Variants in PDZRN3 observed in about 807,000 individuals in gnomAD.
The protein encoded by PDZRN3 is E3 ubiquitin-protein ligase PDZRN3.
In PDZRN3, 38 loss-of-function variants were observed where a neutral mutation model predicts 85.7. The ratio of observed to expected loss-of-function variants is 0.44; its 90% CI spans 0.34 to 0.58. The LOEUF (loss-of-function observed/expected upper bound fraction) is 0.58, where lower values mean the gene tolerates loss of function less well. PDZRN3 is among the 20% of genes least tolerant of loss of function. The pLI is 0.01. For synonymous variants in PDZRN3, 759 were observed against 638.0 expected, an observed-to-expected ratio of 1.19 and a Z score of -2.86; for missense variants, 1,629 against 1,506.4, an observed-to-expected ratio of 1.08 and a Z score of -1.35.
intron 3 of PDZRN3, among the ~76,000 whole-genome samples, chr3:73,415,458 T>TAAAAAC (rs1702059260): frequency 6.6e-6 from 1 of 152,220 alleles, no homozygotes; most frequent in Non-Finnish European, 1.5e-5. Flanking sequence ...TTTTATTTTC[T>TAAAAAC]ATTGTTTATA....
At chr3:73,442,065 G>A (rs1702648334) in intron 3 of PDZRN3, among the ~76,000 whole-genome samples, 1 of 152,200 alleles carries the variant, frequency 6.6e-6, no homozygotes, top group African/African-American at 2.4e-5. Flanking sequence ...TAAATGGCAT[G>A]GTGGGGCAGT....
At chr3:73,550,389 A>C (rs1315117441) in intron 3 of PDZRN3, among the ~76,000 whole-genome samples, 1 of 152,202 alleles carries the variant, frequency 6.6e-6, no homozygotes, top group African/African-American at 2.4e-5. Context: ...CTGGCTGCAC[A>C]TTATAATCAC....
chr3:73,481,252 A>T (rs1703555259), intron 3 of PDZRN3, among the ~76,000 whole-genome samples: 1 of 152,258 alleles, frequency 6.6e-6, no homozygotes, highest in Non-Finnish European at 1.5e-5. Flanking sequence ...GGAGTTTATC[A>T]CTTCAGAGAC....
Position 73,624,409 on chromosome 3 carries a change from C to A in PDZRN3, c.417G>T (p.Val139=), listed in dbSNP as rs1178665597. Residue 139 remains valine (V), a synonymous_variant, in exon 1 of 10, where the codon GTG becomes GTT. Transcript: ENST00000263666. ...GCCCGCAGCCCTCCTGGCAGCGGCC[C>A]ACTGGCCGCGCGTCGCAGGCGTCGC... ...HMRDACDARP[V]GRCQEGCGLP... 7.7e-7 allele frequency: 1 copy of A among 1,303,800 alleles called. No individual in the cohort carries two copies. Among genetic ancestry groups the A allele is most frequent in the East Asian group, 3.3e-5 (1 of 30,680 alleles). 80.8% of individuals were successfully genotyped at this position (1,303,800 alleles called of 1,614,324 possible). A position where few individuals can be genotyped will look rare whatever the true frequency, so the allele number is the denominator to read the frequency against.
intron 3 of PDZRN3, among the ~76,000 whole-genome samples, chr3:73,552,536 G>A (rs1237940130): frequency 6.6e-6 from 1 of 152,026 alleles, no homozygotes; most frequent in South Asian, 2.1e-4. Flanking sequence ...GTGTGTATGA[G>A]GTTTTTGCGC....
chr3:73,592,034 C>A (rs957695796), intron 3 of PDZRN3, among the ~76,000 whole-genome samples: 2 of 152,138 alleles, frequency 1.3e-5, no homozygotes, highest in East Asian at 3.9e-4. Context: ...CCTCTCTTAT[C>A]CTAACAACTC....
chr3:73,480,865 T>C (rs1403792698), intron 3 of PDZRN3, among the ~76,000 whole-genome samples: 2 of 152,228 alleles, frequency 1.3e-5, no homozygotes, highest in African/African-American at 4.8e-5. Flanking sequence ...TTTCTTAACA[T>C]GTTCCATAAC....
chr3:73,444,186 C>G (rs1479933827), intron 3 of PDZRN3, among the ~76,000 whole-genome samples: 1 of 152,100 alleles, frequency 6.6e-6, no homozygotes, highest in Admixed American at 6.6e-5. Context: ...CCTGGAATAC[C>G]TTCCACACAT....
intron 5 of PDZRN3, among the ~76,000 whole-genome samples, chr3:73,393,305 G>A (rs116531128): frequency 1.3e-3 from 197 of 152,286 alleles, no homozygotes; most frequent in African/African-American, 4.4e-3. Context: ...TATCTTTCAA[G>A]GAAGTACAGA....
chr3:73,583,755 G>A (rs1259915647), intron 3 of PDZRN3, among the ~76,000 whole-genome samples: 3 of 152,116 alleles, frequency 2.0e-5, no homozygotes, highest in Admixed American at 2.0e-4. Context: ...ACTTATGATA[G>A]CAAATAGCTC....
chr3:73,434,016 C>A, intron 3 of PDZRN3: 1 of 1,121,390 alleles, frequency 8.9e-7, no homozygotes, highest in Non-Finnish European at 1.1e-6. Flanking sequence ...CCAATGCACA[C>A]GCTATATATA....
chr3:73,551,604 A>C (rs1291078662), intron 3 of PDZRN3, among the ~76,000 whole-genome samples: 1 of 151,020 alleles, frequency 6.6e-6, no homozygotes, highest in Non-Finnish European at 1.5e-5. Context: ...GGGGAGAATC[A>C]TCTGAGCCTG....
intron 3 of PDZRN3, among the ~76,000 whole-genome samples, chr3:73,577,205 G>T (rs909073799): frequency 6.6e-6 from 1 of 152,114 alleles, no homozygotes; most frequent in Non-Finnish European, 1.5e-5. Flanking sequence ...TTTTCAGAAC[G>T]ATGAATCTAA....
Position 73,624,851 on chromosome 3 carries a change from CGCCGGGCG to C in PDZRN3, c.-34_-27del, listed in dbSNP as rs905109964. On this transcript the variant is annotated 5_prime_UTR_variant, in exon 1 of 10. Transcript: ENST00000263666. Reference sequence around the variant, plus strand: ...GGTGGCGGCCAGGCCCCGGGGTCGCCGCCGGGCGGCCGGGCGCCCCCTCCCTCCCCACG... The same window carrying C: ...GGTGGCGGCCAGGCCCCGGGGTCGCCGCCGGGCGCCCCCTCCCTCCCCACG... The C allele has an allele frequency of 1.6e-6, 2 of 1,270,726 alleles. No homozygotes were observed. Among genetic ancestry groups the C allele is most frequent in the African/African-American group, 3.1e-5 (2 of 64,726 alleles). 78.7% of individuals were successfully genotyped at this position (1,270,726 alleles called of 1,614,324 possible). A position where few individuals can be genotyped will look rare whatever the true frequency, so the allele number is the denominator to read the frequency against.
chr3:73,543,325 C>A (rs1238098614), intron 3 of PDZRN3, among the ~76,000 whole-genome samples: 1 of 152,198 alleles, frequency 6.6e-6, no homozygotes, highest in East Asian at 1.9e-4. Context: ...TTAACTGGCC[C>A]ATCACCTCCT....
intron 3 of PDZRN3, among the ~76,000 whole-genome samples, chr3:73,413,898 G>A (rs1559665669): frequency 6.6e-6 from 1 of 152,144 alleles, no homozygotes. Flanking sequence ...ACCTTTCCCA[G>A]GAACTCACCT....
At chr3:73,587,196 G>T (rs933888511) in intron 3 of PDZRN3, among the ~76,000 whole-genome samples, 5 of 152,208 alleles carry the variant, frequency 3.3e-5, no homozygotes, top group Non-Finnish European at 7.3e-5. Context: ...GTGGCAAATG[G>T]CATTAGAAGA....
At chr3:73,439,668 G>GT (rs1381385355) in intron 3 of PDZRN3, among the ~76,000 whole-genome samples, 3 of 152,212 alleles carry the variant, frequency 2.0e-5, no homozygotes, top group Non-Finnish European at 2.9e-5. Flanking sequence ...AACAGCAGCT[G>GT]TGAGTGCAGT....
At chr3:73,433,928 G>GCA (rs147307503) in intron 3 of PDZRN3, 132 of 1,396,732 alleles carry the variant, frequency 9.5e-5, no homozygotes, top group South Asian at 2.4e-4. Flanking sequence ...GCACGCGCGT[G>GCA]CACACACACA....
Sources: gnomAD v4.1 joint callset for allele counts (sites outside exome capture counted in the v4.1 genomes callset) on GRCh38, gnomAD v4.1.1 for gene constraint, MANE v1.5 for transcripts, NCBI Gene and HGNC (gene_info 2026-07-23, HGNC 2026-07-21) for gene names.